Variants in CP observed in about 807,000 individuals in gnomAD.
CP encodes the protein caeruloplasmin.
In CP, 64 loss-of-function variants were observed where a neutral mutation model predicts 122.4. That is an observed-to-expected ratio of 0.52 (90% CI 0.43 to 0.64). The LOEUF (loss-of-function observed/expected upper bound fraction) is 0.64. Ranked by LOEUF, CP falls within the 30% of genes least tolerant of loss-of-function variation. The probability of loss-of-function intolerance (pLI) is 0.00; values close to 1 mark genes in which losing one functional copy is unlikely to be tolerated. For synonymous variants in CP, 440 were observed against 436.4 expected, an observed-to-expected ratio of 1.01 and a Z score of -0.10; for missense variants, 1,167 against 1,284.4, an observed-to-expected ratio of 0.91 and a Z score of 1.40.
chr3:149,219,404 G>C (rs571288071), intron 1 of CP, among the ~76,000 whole-genome samples: 1 of 152,266 alleles, frequency 6.6e-6, no homozygotes, highest in South Asian at 2.1e-4. Flanking sequence ...TCAAGGGAGG[G>C]GGCCAGGTGG....
chr3:149,199,545 T>G (rs1727155660), intron 8 of CP, among the ~76,000 whole-genome samples, 167 bp downstream of exon 8: 1 of 152,164 alleles, frequency 6.6e-6, no homozygotes, highest in Non-Finnish European at 1.5e-5. Flanking sequence ...GTAAACCAAT[T>G]GGAGGTAGGA....
intron 1 of CP, chr3:149,217,841 T>A (rs1190936198): frequency 7.0e-6 from 3 of 425,534 alleles, no homozygotes; most frequent in Admixed American, 5.9e-5. Flanking sequence ...TCACTCAAGA[T>A]CATAATTATA....
chr3:149,162,859 T>C, exon 6 of CP: 1 of 1,613,790 alleles, frequency 6.2e-7, no homozygotes, highest in South Asian at 1.1e-5. Context: ...ACCACACCAT[T>C]GCGAACATCG....
intron 1 of CP, among the ~76,000 whole-genome samples, chr3:149,219,295 GC>G (rs1728659780): frequency 6.6e-6 from 1 of 152,170 alleles, no homozygotes; most frequent in Non-Finnish European, 1.5e-5. Context: ...CTTTTAAGGA[GC>G]CTTAAGTATC....
intron 1 of CP, among the ~76,000 whole-genome samples, chr3:149,214,775 C>T (rs1418267954): frequency 6.6e-6 from 1 of 152,180 alleles, no homozygotes; most frequent in Non-Finnish European, 1.5e-5. Flanking sequence ...AAGGAATGCA[C>T]AGAAAGAGTC....
At chr3:149,212,292 C>T (rs34626625) in intron 2 of CP, among the ~76,000 whole-genome samples, 159 bp downstream of exon 2, 2 of 149,364 alleles carry the variant, frequency 1.3e-5, no homozygotes, top group African/African-American at 5.0e-5. Context: ...GCCTGGGTGA[C>T]AGAAGTCAAA....
intron 17 of CP, chr3:149,176,640 A>G (rs1439881511): frequency 1.6e-5 from 8 of 502,504 alleles, no homozygotes; most frequent in Non-Finnish European, 1.8e-5. Flanking sequence ...ATGAGAATGA[A>G]TTCATCAATC....
Position 149,178,581 on chromosome 3 carries a change from G to A in CP, c.2712C>T (p.Tyr904=), listed in dbSNP as rs1725568597. The A allele has an allele frequency of 6.2e-7, 1 of 1,613,604 alleles. No individual in the cohort carries two copies. The highest frequency in any genetic ancestry group is 8.5e-7 in the Non-Finnish European group (1 of 1,179,688). The part of the protein sequence containing the change: ...IGPLIVCRRP[Y]LKVFNPRRKL... ...TCCTTCTGGGATTGAATACTTTCAA[G>A]TAAGGTCTTCGACAAACAATCAGGG... The change falls in exon 16 of 19, where the codon TAC becomes TAT. Residue 904 remains tyrosine (Y), a synonymous_variant. Coordinates refer to ENST00000264613, the MANE Select transcript of CP (RefSeq NM_000096.4).
At chr3:149,201,858 G>C (rs1329699756) in intron 7 of CP, among the ~76,000 whole-genome samples, 2 of 152,176 alleles carry the variant, frequency 1.3e-5, no homozygotes, top group Non-Finnish European at 2.9e-5. Flanking sequence ...GCCTCCCAAA[G>C]TGCTGAGATT....
chr3:149,177,923 C>A lies in CP; in HGVS notation c.2935G>T (p.Glu979Ter). The A allele has an allele frequency of 6.2e-7, 1 of 1,613,590 alleles. No individual in the cohort carries two copies. The highest frequency in any genetic ancestry group is 8.5e-7 in the Non-Finnish European group (1 of 1,179,524). Residue 979 changes from glutamate (E) to a stop codon, truncating the protein, a stop_gained, in exon 17 of 19, where the codon GAA becomes TAA. Coordinates refer to ENST00000264613, the MANE Select transcript of CP (RefSeq NM_000096.4). LOFTEE classifies it high-confidence loss of function. Reference protein sequence around the residue: ...LQGLTMHVGDEVNWYLMGMGN... With the variant: ...LQGLTMHVGD ...ATTCCCATCAGATACCAGTTGACTT[C>A]ATCTCCCACGTGCATTGTGAGGCCT...
At chr3:149,201,803 C>T (rs983990628) in intron 7 of CP, among the ~76,000 whole-genome samples, 6 of 151,878 alleles carry the variant, frequency 4.0e-5, no homozygotes, top group Admixed American at 6.6e-5. Flanking sequence ...ACCATGTTGT[C>T]CAAGCTGGTC....
downstream of CP, chr3:149,170,505 C>T (rs1724871314): frequency 6.6e-6 from 1 of 152,174 alleles, no homozygotes; most frequent in African/African-American, 2.4e-5. Flanking sequence ...AGCTAGCAGA[C>T]AGTACCACTA....
intron 9 of CP, among the ~76,000 whole-genome samples, chr3:149,197,968 A>C (rs1727013004): frequency 6.6e-6 from 1 of 152,184 alleles, no homozygotes; most frequent in African/African-American, 2.4e-5. Context: ...CCTGTGTTAA[A>C]TGATACCATA....
intron 14 of CP, 56 bp from the exon 15 acceptor site, chr3:149,179,718 A>ACG: frequency 1.3e-6 from 1 of 771,044 alleles, no homozygotes; most frequent in Non-Finnish European, 2.2e-6. Flanking sequence ...TTGTACACAC[A>ACG]CACACACACA....
downstream of CP, chr3:149,172,292 A>G: frequency 3.3e-6 from 4 of 1,206,856 alleles, no homozygotes; most frequent in Non-Finnish European, 4.8e-6. Context: ...CCAAAGTACA[A>G]GTAGAGGAGT....
At chr3:149,185,893 T>C (rs997487666) in intron 11 of CP, among the ~76,000 whole-genome samples, 1 of 152,246 alleles carries the variant, frequency 6.6e-6, no homozygotes, top group Admixed American at 6.5e-5. Flanking sequence ...CTTATCTCTT[T>C]TGTTCATTGT....
At position 149,187,818 on chromosome 3, in the gene CP, T is replaced by C. The variant is rs889449841; in HGVS notation, c.1864+234A>G. On this transcript the variant is annotated intron_variant, in intron 10 of 18. Transcript: ENST00000264613. ...CTCAGTGATGCTGAGGCTGCTGATA[T>C]AGGGACCACACTTTAAGGACCATTC... 21 of 500,678 alleles carry C rather than the reference T, an allele frequency of 4.2e-5. No individual in the cohort carries two copies. The Admixed American group carries it at 5.8e-4, about 14-fold the overall frequency. The allele number at this position is 500,678 out of a possible 1,614,324, so 31.0% of individuals were successfully genotyped here.
At chr3:149,194,961 A>G (rs1422977063) in intron 9 of CP, among the ~76,000 whole-genome samples, 1 of 152,240 alleles carries the variant, frequency 6.6e-6, no homozygotes, top group African/African-American at 2.4e-5. Flanking sequence ...GTGCAAGAAT[A>G]AAGACCAGCA....
chr3:149,197,649 T>A (rs1402345568), intron 9 of CP, among the ~76,000 whole-genome samples: 1 of 152,156 alleles, frequency 6.6e-6, no homozygotes. Context: ...CGGAAGACAT[T>A]TTTTCTACAA....
Sources: allele counts gnomAD v4.1 joint callset (sites outside exome capture counted in the v4.1 genomes callset), GRCh38; gene constraint gnomAD v4.1.1; transcripts MANE v1.5; gene names NCBI Gene and HGNC (gene_info 2026-07-23, HGNC 2026-07-21).